Variants in SPON1 observed in about 807,000 individuals in gnomAD.
SPON1 encodes spondin-1.
SPON1 carries 52 observed loss-of-function variants against 111.7 expected under a neutral mutation model. The observed-to-expected ratio is 0.47, with a 90% CI of 0.37 to 0.59. The LOEUF is 0.59. Ranked by LOEUF, SPON1 falls within the 20% of genes least tolerant of loss-of-function variation. The pLI is 0.00. For missense variants in SPON1, 957 were observed against 1,068.5 expected, an observed-to-expected ratio of 0.90 and a Z score of 1.46; for synonymous variants, 410 against 395.8, an observed-to-expected ratio of 1.04 and a Z score of -0.43.
intron 5 of SPON1, among the ~76,000 whole-genome samples, chr11:14,124,205 C>T (rs1847430512): frequency 6.6e-6 from 1 of 152,184 alleles, no homozygotes; most frequent in Non-Finnish European, 1.5e-5. Context: ...CACACACACG[C>T]ACACACTACC....
chr11:14,129,746 C>A (rs565519855), intron 5 of SPON1, among the ~76,000 whole-genome samples: 11 of 152,256 alleles, frequency 7.2e-5, no homozygotes, highest in East Asian at 3.9e-4. Context: ...GAACTACCTG[C>A]GACTCGGTAA....
In SPON1 at chr11:14,265,819, T is replaced by C. The variant is rs1554942444; in HGVS notation, c.*132T>C. On this transcript the variant is annotated 3_prime_UTR_variant, in exon 16 of 16. Coordinates refer to ENST00000576479, the MANE Select transcript of SPON1 (RefSeq NM_006108.4). ...TTGCAGTGTGGTTCGCCCAGTAGTC[T>C]TGTGGATGCCAGAGACATCCTTTCT... is the stretch of plus-strand genomic sequence containing the variant. 2 of 1,051,438 alleles carry C rather than the reference T, an allele frequency of 1.9e-6. No homozygotes were observed. The highest frequency in any genetic ancestry group is 5.3e-5 in the East Asian group (2 of 37,878). 65.1% of individuals were successfully genotyped at this position (1,051,438 alleles called of 1,614,324 possible).
intron 6 of SPON1, among the ~76,000 whole-genome samples, chr11:14,149,934 T>C (rs760336575): frequency 6.0e-5 from 9 of 149,048 alleles, no homozygotes; most frequent in Non-Finnish European, 1.3e-4. Context: ...GGAAATCACT[T>C]GTCCTTAAGG....
intron 3 of SPON1, among the ~76,000 whole-genome samples, chr11:14,068,705 A>T (rs1007757606): frequency 6.6e-6 from 1 of 152,288 alleles, no homozygotes; most frequent in South Asian, 2.1e-4. Context: ...GGTCAACCTC[A>T]TTTCTACCAA....
At chr11:13,989,718 T>C (rs1009219940) in intron 2 of SPON1, among the ~76,000 whole-genome samples, 2 of 152,216 alleles carry the variant, frequency 1.3e-5, no homozygotes, top group East Asian at 3.8e-4. Flanking sequence ...CTGCTTTAAA[T>C]GTGTCCCAGT....
rs1250133574 is a variant in SPON1, at chr11:14,228,629, ATTAGGCTGTG to A, written c.826-14699_826-14690del. Among the ~76,000 whole-genome samples, 1 of 152,212 alleles carries A rather than the reference ATTAGGCTGTG, an allele frequency of 6.6e-6. No homozygotes were observed. The highest frequency in any genetic ancestry group is 6.5e-5 in the Admixed American group (1 of 15,282). On this transcript the variant is annotated intron_variant, in intron 6 of 15. Coordinates refer to ENST00000576479, the MANE Select transcript of SPON1 (RefSeq NM_006108.4). The surrounding 1 kb of genome is among the most constrained non-coding windows in gnomAD (Gnocchi z 4.2). ...ACCCTGGAAGGAAGTTTGACCTCACATTAGGCTGTGTTATCTAGCCAATGCCAAAGAACTG... is the reference window on the plus strand; with the variant it reads ...ACCCTGGAAGGAAGTTTGACCTCACATTATCTAGCCAATGCCAAAGAACTG...
intron 6 of SPON1, among the ~76,000 whole-genome samples, chr11:14,224,922 TA>T (rs1381886501): frequency 1.3e-5 from 2 of 151,906 alleles, no homozygotes; most frequent in African/African-American, 2.4e-5. Context: ...GTGCAGGGAG[TA>T]AAACGGGAGG....
At chr11:14,005,807 A>G (rs1178969010) in intron 2 of SPON1, among the ~76,000 whole-genome samples, 2 of 152,234 alleles carry the variant, frequency 1.3e-5, no homozygotes, top group African/African-American at 4.8e-5. Context: ...GTCATTCAAT[A>G]GAATGTTATA....
At chr11:14,105,909 TTA>T in intron 5 of SPON1, among the ~76,000 whole-genome samples, 4 of 152,338 alleles carry the variant, frequency 2.6e-5, no homozygotes, top group Admixed American at 2.6e-4. Context: ...ATTACTTTCC[TTA>T]TATCTATCAA....
intron 5 of SPON1, among the ~76,000 whole-genome samples, chr11:14,101,580 A>G (rs1281436795): frequency 6.6e-6 from 1 of 151,024 alleles, no homozygotes; most frequent in Non-Finnish European, 1.5e-5. Context: ...TGTCACTTCT[A>G]CTCATTTCCT....
At chr11:14,025,733 G>T (rs575063438) in intron 2 of SPON1, among the ~76,000 whole-genome samples, 1 of 152,148 alleles carries the variant, frequency 6.6e-6, no homozygotes, top group Non-Finnish European at 1.5e-5. Context: ...CTTCCCAGAG[G>T]AAGTGACTCA....
chr11:13,973,971 AG>A (rs1201714388), intron 1 of SPON1, among the ~76,000 whole-genome samples: 1 of 152,194 alleles, frequency 6.6e-6, no homozygotes, highest in East Asian at 1.9e-4. Flanking sequence ...TGGCTGAAGA[AG>A]GCCATCCAGG....
intron 2 of SPON1, among the ~76,000 whole-genome samples, chr11:14,009,051 C>G (rs1229059031): frequency 1.3e-5 from 2 of 152,162 alleles, no homozygotes; most frequent in African/African-American, 4.8e-5. Context: ...CTCACAATTG[C>G]TCTGTTAAGC....
intron 5 of SPON1, among the ~76,000 whole-genome samples, chr11:14,106,611 A>G (rs1406167591): frequency 6.6e-6 from 1 of 152,190 alleles, no homozygotes; most frequent in East Asian, 1.9e-4. Flanking sequence ...ATGAGTCCAA[A>G]GAAATACTTG....
chr11:14,232,316 C>A (rs1848812328), intron 6 of SPON1, among the ~76,000 whole-genome samples: 1 of 152,082 alleles, frequency 6.6e-6, no homozygotes, highest in Non-Finnish European at 1.5e-5. Context: ...TCCTTGAGGA[C>A]AAGGATGGGT....
intron 2 of SPON1, among the ~76,000 whole-genome samples, chr11:13,997,849 A>G (rs568994538): frequency 6.6e-6 from 1 of 152,330 alleles, no homozygotes; most frequent in African/African-American, 2.4e-5. Context: ...AACTACTTCC[A>G]TATAGCAGCT....
At chr11:14,176,198 AT>A (rs1421641644) in intron 6 of SPON1, among the ~76,000 whole-genome samples, 3 of 152,108 alleles carry the variant, frequency 2.0e-5, no homozygotes, top group Non-Finnish European at 2.9e-5. Context: ...CTGGACTTCC[AT>A]CAGCAACCCC....
chr11:14,043,480 C>A (rs1007188369), intron 3 of SPON1, among the ~76,000 whole-genome samples: 13 of 152,202 alleles, frequency 8.5e-5, no homozygotes, highest in African/African-American at 3.1e-4. Context: ...GACTAGGGGT[C>A]AGAGTACTAT....
chr11:14,061,871 C>T (rs868972139), intron 3 of SPON1, among the ~76,000 whole-genome samples: 2 of 152,176 alleles, frequency 1.3e-5, no homozygotes, highest in African/African-American at 4.8e-5. Context: ...CTGATGAGGC[C>T]TAACTACTGC....
Sources: gnomAD v4.1 joint callset for allele counts (sites outside exome capture counted in the v4.1 genomes callset) on GRCh38, gnomAD v4.1.1 for gene constraint, Gnocchi (gnomAD v3.1) non-coding constraint, MANE v1.5 for transcripts, NCBI Gene and HGNC (gene_info 2026-07-23, HGNC 2026-07-21) for gene names.